Variants in SBF2 observed in about 807,000 individuals in gnomAD.
The protein encoded by SBF2 is myotubularin-related protein 13.
Under a neutral mutation model 225.2 loss-of-function variants are expected in SBF2, and 112 were observed. That is an observed-to-expected ratio of 0.50 (90% CI 0.43 to 0.58). SBF2 has a LOEUF of 0.58. Among genes scored for constraint, SBF2 ranks in the 20% least tolerant of loss-of-function variants. SBF2 has a pLI of 0.00. For synonymous variants in SBF2, 763 were observed against 773.3 expected, an observed-to-expected ratio of 0.99 and a Z score of 0.22; for missense variants, 1,996 against 2,206.2, an observed-to-expected ratio of 0.90 and a Z score of 1.91.
At chr11:10,159,815 G>A (rs1439182074) in intron 2 of SBF2, among the ~76,000 whole-genome samples, 3 of 151,932 alleles carry the variant, frequency 2.0e-5, no homozygotes, top group South Asian at 2.1e-4. Flanking sequence ...GCATGAACCC[G>A]GGAGGCAGAG....
chr11:9,973,493 G>C (rs1403730557), intron 13 of SBF2, among the ~76,000 whole-genome samples: 3 of 152,194 alleles, frequency 2.0e-5, no homozygotes, highest in Non-Finnish European at 4.4e-5. Context: ...ACTGAAAAGA[G>C]TTTGGCAGAA....
chr11:9,880,637 T>C (rs1281455707), intron 17 of SBF2, among the ~76,000 whole-genome samples: 1 of 152,216 alleles, frequency 6.6e-6, no homozygotes, highest in Non-Finnish European at 1.5e-5. Context: ...TCTACACTGC[T>C]CTAGTTTGTT....
chr11:9,842,539 C>T, intron 25 of SBF2, 86 bp downstream of exon 25: 1 of 1,374,948 alleles, frequency 7.3e-7, no homozygotes, highest in Non-Finnish European at 1.0e-6. Flanking sequence ...TTTTGTGAAT[C>T]AAGATGTAAG....
chr11:9,858,466 C>T, intron 17 of SBF2, 70 bp from the exon 18 acceptor site: 1 of 1,443,324 alleles, frequency 6.9e-7, no homozygotes, highest in Non-Finnish European at 9.7e-7. Flanking sequence ...GTCACAGGGG[C>T]CACAGTTAAT....
intron 2 of SBF2, chr11:10,149,217 C>T (rs1451051940): frequency 6.6e-6 from 1 of 152,330 alleles, no homozygotes; most frequent in African/African-American, 2.4e-5. Context: ...TCTGACTTTT[C>T]AGGCTCAAGA....
At chr11:10,176,534 A>T (rs1956471954) in intron 2 of SBF2, among the ~76,000 whole-genome samples, 1 of 151,678 alleles carries the variant, frequency 6.6e-6, no homozygotes, top group African/African-American at 2.4e-5. Flanking sequence ...ACAGAAATAC[A>T]AACTACCATC....
chr11:10,058,069 G>C (rs1950313041), intron 2 of SBF2, among the ~76,000 whole-genome samples: 3 of 152,160 alleles, frequency 2.0e-5, no homozygotes, highest in Admixed American at 1.3e-4. Flanking sequence ...AGAAAGAACA[G>C]TGCGAGAACT....
At chr11:9,781,270 G>T (rs905493468) in intron 39 of SBF2, among the ~76,000 whole-genome samples, 1 of 152,218 alleles carries the variant, frequency 6.6e-6, no homozygotes, top group East Asian at 1.9e-4. Context: ...TTCCATGTGC[G>T]CTGGACTCCT....
chr11:10,245,387 A>C (rs550315592), intron 1 of SBF2, among the ~76,000 whole-genome samples: 2 of 152,126 alleles, frequency 1.3e-5, no homozygotes, highest in Non-Finnish European at 2.9e-5. Flanking sequence ...TAGCCACTGC[A>C]CTCCAGCCTG....
chr11:10,219,293 C>T (rs747745352), intron 1 of SBF2, among the ~76,000 whole-genome samples: 1 of 152,210 alleles, frequency 6.6e-6, no homozygotes, highest in Admixed American at 6.5e-5. Flanking sequence ...GGCTTGCACC[C>T]TCTGAAGCCA....
At chr11:10,178,282 G>A (rs1311993224) in intron 2 of SBF2, among the ~76,000 whole-genome samples, 2 of 150,810 alleles carry the variant, frequency 1.3e-5, no homozygotes. Context: ...CATAAGCATG[G>A]GCAAGGACTT....
At chr11:10,239,189 T>G (rs4910111) in intron 1 of SBF2, among the ~76,000 whole-genome samples, 54,203 of 150,020 alleles carry the variant, frequency 0.36, 12,323 homozygotes, top group Non-Finnish European at 0.44. Flanking sequence ...AAAATCCTTT[T>G]CAAGCTCATA....
At chr11:9,796,584 A>C (rs1853141407) in intron 32 of SBF2, among the ~76,000 whole-genome samples, 1 of 152,222 alleles carries the variant, frequency 6.6e-6, no homozygotes, top group Admixed American at 6.5e-5. Flanking sequence ...AGAAGGAGCC[A>C]GTAGAGAAAA....
intron 28 of SBF2, chr11:9,828,411 T>TA (rs1430710184): frequency 2.0e-6 from 2 of 985,300 alleles, no homozygotes; most frequent in Admixed American, 1.2e-4. Context: ...TTTGCAAGAT[T>TA]ATAGAGAGTT....
At chr11:10,291,945 G>GT (rs1466590620) in intron 1 of SBF2, among the ~76,000 whole-genome samples, 1 of 152,184 alleles carries the variant, frequency 6.6e-6, no homozygotes, top group Non-Finnish European at 1.5e-5. Context: ...ATATTCGTAT[G>GT]TATCTAATCA....
chr11:10,284,383 C>T (rs1403254417), intron 1 of SBF2, among the ~76,000 whole-genome samples: 1 of 152,128 alleles, frequency 6.6e-6, no homozygotes, highest in African/African-American at 2.4e-5. Context: ...AAATTCCTCC[C>T]AATTACCCTT....
intron 13 of SBF2, among the ~76,000 whole-genome samples, chr11:9,977,286 C>T (rs1445407434): frequency 1.3e-5 from 2 of 151,918 alleles, no homozygotes; most frequent in African/African-American, 2.4e-5. Context: ...GAGTTCAAGA[C>T]CATCCTGGGC....
intron 26 of SBF2, chr11:9,838,873 G>GAAC (rs1483615739): frequency 8.4e-5 from 13 of 154,722 alleles, no homozygotes; most frequent in Non-Finnish European, 1.4e-4. Flanking sequence ...TTGAAAAACA[G>GAAC]TGAGAGATGA....
intron 2 of SBF2, among the ~76,000 whole-genome samples, chr11:10,091,881 T>C (rs1951799219): frequency 6.6e-6 from 1 of 152,234 alleles, no homozygotes; most frequent in Non-Finnish European, 1.5e-5. Context: ...GGTAGATTTC[T>C]AGGAGTTTTT....
Sources: gnomAD v4.1 joint callset for allele counts (sites outside exome capture counted in the v4.1 genomes callset) on GRCh38, gnomAD v4.1.1 for gene constraint, MANE v1.5 for transcripts, NCBI Gene and HGNC (gene_info 2026-07-23, HGNC 2026-07-21) for gene names.